The following CYBB variants were observed in gnomAD, a reference collection of about 807,000 sequenced individuals.
The protein encoded by CYBB is NADPH oxidase 2.
In CYBB, 5 loss-of-function variants were observed where a neutral mutation model predicts 46.5. The ratio of observed to expected loss-of-function variants is 0.11; its 90% CI spans 0.06 to 0.23. The LOEUF is 0.23. Ranked by LOEUF, CYBB falls within the 10% of genes least tolerant of loss-of-function variation. The pLI, the probability that CYBB is intolerant of heterozygous loss-of-function variation, is 1.00. For missense variants in CYBB, 307 were observed against 428.3 expected, an observed-to-expected ratio of 0.72 and a Z score of 2.50; for synonymous variants, 183 against 156.7, an observed-to-expected ratio of 1.17 and a Z score of -1.26.
intron 11 of CYBB, 45 bp downstream of exon 11, chrX:37,806,578 G>A: frequency 1.7e-6 from 2 of 1,152,033 alleles, no homozygotes; most frequent in Non-Finnish European, 1.2e-6. Flanking sequence ...ATAGTGTACA[G>A]GGCTTACGAA....
rs990985135 is a variant in CYBB at position 37,812,938 on chromosome X, G to A, written c.*2021G>A. ...TTTACACCAAAGTATGAACTGGAGA[G>A]GGTACCTCAGTTATAAGGAGTCTGA... On this transcript the variant is annotated 3_prime_UTR_variant, in exon 13 of 13. Transcript: ENST00000378588. 8 of 111,835 alleles carry A rather than the reference G, an allele frequency of 7.2e-5. No homozygotes were observed. Among genetic ancestry groups the A allele is most frequent in the Admixed American group, 5.7e-4 (6 of 10,532 alleles). The allele number at this position is 111,835 out of a possible 1,213,427, so 9.2% of individuals were successfully genotyped here. A position where few individuals can be genotyped will look rare whatever the true frequency, so the allele number is the denominator to read the frequency against.
In CYBB at chrX:37,810,958, C is replaced by CA; in HGVS notation, c.*44dup. 8.8e-7 allele frequency: 1 copy of CA among 1,135,630 alleles called. No homozygotes were observed. The highest frequency in any genetic ancestry group is 1.2e-6 in the Non-Finnish European group (1 of 830,558). 93.6% of individuals were successfully genotyped at this position (1,135,630 alleles called of 1,213,427 possible). On this transcript the variant is annotated 3_prime_UTR_variant, in exon 13 of 13. Coordinates refer to ENST00000378588, the MANE Select transcript of CYBB (RefSeq NM_000397.4). ...AGGAAATAAATGTGGGTTGTGCTGC[C>CA]AAATGCTCAAATAATGCTAATTGAT...
Position 37,809,706 on chromosome X carries a change from A to G in CYBB, c.1586+15A>G, listed in dbSNP as rs1232309050. 3 of 1,206,422 alleles carry G rather than the reference A, an allele frequency of 2.5e-6. No individual in the cohort carries two copies. The highest frequency in any genetic ancestry group is 3.5e-5 in the African/African-American group (2 of 57,061). ...CAACACCCTAAGTAAGGAGTCTGTC[A>G]CCAAGATGTTTTTGAGGCTTGCATC... On this transcript the variant is annotated intron_variant, in intron 12 of 12. Coordinates refer to ENST00000378588, the MANE Select transcript of CYBB (RefSeq NM_000397.4).
At chrX:37,799,351 G>A (rs1270942416) in intron 7 of CYBB, among the ~76,000 whole-genome samples, 1 of 111,923 alleles carries the variant, frequency 8.9e-6, no homozygotes, top group Non-Finnish European at 1.9e-5. Context: ...GGTTCAAGAA[G>A]TTCCATCTCT....
At chrX:37,800,421 C>T (rs1450374027) in intron 7 of CYBB, among the ~76,000 whole-genome samples, 4 of 111,725 alleles carry the variant, frequency 3.6e-5, no homozygotes, top group African/African-American at 1.3e-4. Context: ...CAATTTCCAA[C>T]AGTAAGTTTC....
At chrX:37,801,586 TTGTGTGTGTGTGTG>T (rs58302662) in intron 8 of CYBB, among the ~76,000 whole-genome samples, 27 of 84,585 alleles carry the variant, frequency 3.2e-4, no homozygotes, top group Admixed American at 5.2e-4. Flanking sequence ...CCCCCACCCA[TTGTGTGTGTGTGTG>T]TGTGTGTGTG....
At chrX:37,791,952 A>G in intron 3 of CYBB, 23 bp from the exon 4 acceptor site, 1 of 1,138,597 alleles carries the variant, frequency 8.8e-7, no homozygotes, top group Non-Finnish European at 1.2e-6. Context: ...TTACTATTCC[A>G]TTCTTTCCCC....
intron 8 of CYBB, among the ~76,000 whole-genome samples, chrX:37,803,152 A>G (rs1556470501): frequency 9.0e-6 from 1 of 111,649 alleles, no homozygotes; most frequent in South Asian, 3.7e-4. Context: ...GTGATTCAGG[A>G]CAAAGATAGA....
chrX:37,808,643 A>G (rs1431986280), intron 11 of CYBB, among the ~76,000 whole-genome samples: 1 of 112,400 alleles, frequency 8.9e-6, no homozygotes. Context: ...TTGTTGCTCC[A>G]TAAAAAGTGG....
At chrX:37,785,851 A>C (rs1366541928) in intron 3 of CYBB, among the ~76,000 whole-genome samples, 1 of 111,704 alleles carries the variant, frequency 9.0e-6, no homozygotes, top group Non-Finnish European at 1.9e-5. Context: ...GTTAGTCTAC[A>C]AGTCCAAATT....
At chrX:37,793,154 A>G in intron 4 of CYBB, among the ~76,000 whole-genome samples, 1 of 106,793 alleles carries the variant, frequency 9.4e-6, no homozygotes, top group African/African-American at 3.4e-5. Flanking sequence ...TTTTTAAGAC[A>G]GAGAGATTCA....
intron 1 of CYBB, among the ~76,000 whole-genome samples, chrX:37,781,601 G>A (rs1230155319): frequency 4.5e-5 from 5 of 111,798 alleles, no homozygotes; most frequent in Non-Finnish European, 7.5e-5. Context: ...ACTAATCAAG[G>A]AAAATGGAAG....
intron 3 of CYBB, among the ~76,000 whole-genome samples, chrX:37,785,912 G>A (rs1929058341): frequency 2.7e-5 from 3 of 111,538 alleles, no homozygotes; most frequent in Admixed American, 9.5e-5. Context: ...TGTAATGCCA[G>A]CTTTTATGCC....
chrX:37,801,626 G>GTGTGTT (rs1556469991), intron 8 of CYBB, among the ~76,000 whole-genome samples: 75 of 108,089 alleles, frequency 6.9e-4, no homozygotes, highest in Middle Eastern at 4.7e-3. Flanking sequence ...GTGTGTGTGT[G>GTGTGTT]TGTTTGTGTC....
chrX:37,780,425 T>A (rs1159785118), intron 1 of CYBB, among the ~76,000 whole-genome samples: 1 of 111,680 alleles, frequency 9.0e-6, no homozygotes. Context: ...AGTTGTTTAG[T>A]AATGTTTACT....
chrX:37,788,510 C>A (rs782367403), intron 3 of CYBB, among the ~76,000 whole-genome samples: 59 of 111,341 alleles, frequency 5.3e-4, no homozygotes, highest in African/African-American at 1.9e-3. Context: ...GGGAGTGCAG[C>A]CTTACTAACT....
At chrX:37,795,545 G>A (rs184645160) in intron 5 of CYBB, among the ~76,000 whole-genome samples, 3 of 111,957 alleles carry the variant, frequency 2.7e-5, no homozygotes, top group Non-Finnish European at 5.6e-5. Flanking sequence ...AGCTGATGAT[G>A]TTCAGCATTC....
At chrX:37,810,172 C>G (rs782692093) in intron 12 of CYBB, among the ~76,000 whole-genome samples, 83 of 111,906 alleles carry the variant, frequency 7.4e-4, no homozygotes, top group Non-Finnish European at 1.1e-3. Context: ...AGGGGGATCC[C>G]TTATCTTGCT....
chrX:37,799,235 T>A, intron 7 of CYBB, 151 bp downstream of exon 7: 1 of 546,415 alleles, frequency 1.8e-6, no homozygotes, highest in Non-Finnish European at 3.1e-6. Flanking sequence ...TTCTCTGCTA[T>A]ACTTATTGGA....
Sources: allele counts gnomAD v4.1 joint callset (sites outside exome capture counted in the v4.1 genomes callset), GRCh38; gene constraint gnomAD v4.1.1; transcripts MANE v1.5; gene names NCBI Gene and HGNC (gene_info 2026-07-23, HGNC 2026-07-21).